The following RPRD1A variants were observed in gnomAD, a reference collection of about 807,000 sequenced individuals.
RPRD1A encodes regulation of nuclear pre-mRNA domain containing 1A.
A neutral mutation model predicts 37.8 loss-of-function variants in RPRD1A; 9 were observed. The ratio of observed to expected loss-of-function variants is 0.24; its 90% CI spans 0.14 to 0.42. RPRD1A has a LOEUF of 0.42. Ranked by LOEUF, RPRD1A falls within the 10% of genes least tolerant of loss-of-function variation. The pLI is 1.00. For synonymous variants in RPRD1A, 138 were observed against 139.7 expected, an observed-to-expected ratio of 0.99 and a Z score of 0.08; for missense variants, 255 against 371.0, an observed-to-expected ratio of 0.69 and a Z score of 2.57.
intron 3 of RPRD1A, 29 bp from the exon 4 acceptor site, chr18:36,030,934 T>C (rs368563846): frequency 3.1e-6 from 5 of 1,600,630 alleles, no homozygotes; most frequent in Middle Eastern, 1.7e-4. Flanking sequence ...TAAGTATTAA[T>C]GAAAGAATAC....
chr18:36,008,569 T>TATATATATATATATATATATA lies in RPRD1A; in HGVS notation c.790-15270_790-15269insTATATATATATATATATATAT, dbSNP rs1555670660. 5.1e-3 allele frequency among the ~76,000 whole-genome samples: 285 copies of TATATATATATATATATATATA among 56,030 alleles called. 11 individuals carry two copies. The highest frequency in any genetic ancestry group is 5.0e-3 in the Non-Finnish European group (168 of 33,766). The allele number at this position is 56,030 out of a possible 152,430, so 36.8% of individuals were successfully genotyped here. ...CTAGCCTGGGCGACACAGCAAGACC[T>TATATATATATATATATATATA]TGTGTGTGTATATATATATATCTTT... On this transcript the variant is annotated intron_variant, in intron 6 of 6. Coordinates refer to ENST00000399022, the MANE Select transcript of RPRD1A (RefSeq NM_018170.5).
chr18:36,062,323 C>CAA (rs752980996), intron 1 of RPRD1A, among the ~76,000 whole-genome samples: 1,450 of 39,664 alleles, frequency 0.037, 95 homozygotes, highest in African/African-American at 0.049. Context: ...GACTCCGTCT[C>CAA]AAAAAAAAAA....
chr18:35,994,828 T>C (rs1247992894), intron 6 of RPRD1A, among the ~76,000 whole-genome samples: 1 of 152,252 alleles, frequency 6.6e-6, no homozygotes, highest in Non-Finnish European at 1.5e-5. Context: ...CTTCTGCACA[T>C]CTACCATGAG....
chr18:36,011,195 C>T (rs1032277750), intron 6 of RPRD1A, among the ~76,000 whole-genome samples: 6 of 152,066 alleles, frequency 3.9e-5, no homozygotes, highest in Non-Finnish European at 5.9e-5. Flanking sequence ...CACATAAAGT[C>T]GGTACAATTA....
At chr18:36,047,305 A>G (rs1055330609) in intron 1 of RPRD1A, among the ~76,000 whole-genome samples, 1 of 152,116 alleles carries the variant, frequency 6.6e-6, no homozygotes, top group Non-Finnish European at 1.5e-5. Flanking sequence ...ACATAACAAA[A>G]ATCTGTGGGG....
chr18:36,040,790 T>G (rs1230308110), intron 1 of RPRD1A: 4 of 1,455,522 alleles, frequency 2.7e-6, no homozygotes, highest in Non-Finnish European at 1.8e-6. Flanking sequence ...AGAAGAAAAG[T>G]GTTTTTATTC....
chr18:36,053,932 G>A (rs1913580298), intron 1 of RPRD1A, among the ~76,000 whole-genome samples: 1 of 152,102 alleles, frequency 6.6e-6, no homozygotes, highest in African/African-American at 2.4e-5. Flanking sequence ...TCTGAGCATA[G>A]GCAACTAGAA....
At chr18:36,037,116 C>CT (rs201444690) in intron 1 of RPRD1A, among the ~76,000 whole-genome samples, 6 of 151,862 alleles carry the variant, frequency 4.0e-5, no homozygotes, top group Admixed American at 3.3e-4. Context: ...TAAAATGTTA[C>CT]TTTTTTTTTC....
At chr18:35,996,646 G>A (rs1042106176) in intron 6 of RPRD1A, among the ~76,000 whole-genome samples, 2 of 152,086 alleles carry the variant, frequency 1.3e-5, no homozygotes, top group Non-Finnish European at 2.9e-5. Flanking sequence ...ATGTTTTCCA[G>A]AATAGCAGTT....
At chr18:36,047,122 C>T (rs967672100) in intron 1 of RPRD1A, among the ~76,000 whole-genome samples, 2 of 151,916 alleles carry the variant, frequency 1.3e-5, no homozygotes, top group African/African-American at 4.8e-5. Context: ...TCAGGAGGCT[C>T]GCTTGAGCCC....
chr18:36,051,378 A>C (rs1040821596), intron 1 of RPRD1A, among the ~76,000 whole-genome samples: 2 of 152,216 alleles, frequency 1.3e-5, no homozygotes, highest in Non-Finnish European at 2.9e-5. Context: ...TAAGTATGAA[A>C]AGGGTGGAAC....
chr18:35,994,674 T>C (rs1156540663), intron 6 of RPRD1A, among the ~76,000 whole-genome samples: 1 of 152,208 alleles, frequency 6.6e-6, no homozygotes, highest in South Asian at 2.1e-4. Flanking sequence ...GGAAATGTGA[T>C]TACAGTATTC....
At position 35,994,048 on chromosome 18, in the gene RPRD1A, C is replaced by T. The variant is rs188136502; in HGVS notation, c.790-748G>A. 3.4e-3 allele frequency among the ~76,000 whole-genome samples: 511 copies of T among 152,284 alleles called. 1 individual carries two copies. Among genetic ancestry groups the T allele is most frequent in the Non-Finnish European group, 4.8e-3 (326 of 68,034 alleles). On this transcript the variant is annotated intron_variant, in intron 6 of 6. Coordinates refer to ENST00000399022, the MANE Select transcript of RPRD1A (RefSeq NM_018170.5). ...GCCAAGACAACCTCAGGCTGCTGCA[C>T]CCCTCCCTTTCTCCAAAAGCTCAGC...
chr18:36,052,152 C>T (rs1913442292), intron 1 of RPRD1A, among the ~76,000 whole-genome samples: 1 of 37,918 alleles, frequency 2.6e-5, no homozygotes, highest in Non-Finnish European at 4.7e-5. Context: ...ATTTAACATC[C>T]TAACAGAAAA....
rs150196073 is a variant in RPRD1A, at chr18:36,024,138, CGTGT to C, written c.789+2758_789+2761del. 6.3e-3 allele frequency among the ~76,000 whole-genome samples: 960 copies of C among 151,402 alleles called. 13 individuals carry two copies. Among genetic ancestry groups the C allele is most frequent in the Non-Finnish European group, 9.2e-3 (627 of 67,830 alleles). ...TAATAGTCTATTTTAACAGTTATCT[CGTGT>C]GTGTGTGTGCACGCGCACGCGCGTG... On this transcript the variant is annotated intron_variant, in intron 6 of 6. Transcript: ENST00000399022.
chr18:36,059,236 CA>C (rs1380553566), intron 1 of RPRD1A, among the ~76,000 whole-genome samples: 1 of 152,036 alleles, frequency 6.6e-6, no homozygotes, highest in Non-Finnish European at 1.5e-5. Flanking sequence ...TTCCCGGGTT[CA>C]AGTGATTCTT....
chr18:36,016,062 G>C (rs1459353310), intron 6 of RPRD1A, among the ~76,000 whole-genome samples: 1 of 152,086 alleles, frequency 6.6e-6, no homozygotes, highest in Non-Finnish European at 1.5e-5. Flanking sequence ...ATACATTTAA[G>C]TAATCTGATA....
At chr18:36,008,569 T>TTGTG (rs138413588) in intron 6 of RPRD1A, among the ~76,000 whole-genome samples, 6,489 of 55,142 alleles carry the variant, frequency 0.12, 864 homozygotes, top group Middle Eastern at 0.16. Context: ...CAGCAAGACC[T>TTGTG]TGTGTGTGTA....
At position 36,005,404 on chromosome 18, in the gene RPRD1A, CTGAT is replaced by C. The variant is rs563870351; in HGVS notation, c.790-12108_790-12105del. Among the ~76,000 whole-genome samples, 95 of 152,238 alleles carry C rather than the reference CTGAT, an allele frequency of 6.2e-4. No homozygotes were observed. In the South Asian group the frequency reaches 8.5e-3, roughly 14 times the overall value. ...ATGAAAATTTTAATAATGGTTTTCA[CTGAT>C]TGCTGTAAATTTGTGGGCAGTTTTT... On this transcript the variant is annotated intron_variant, in intron 6 of 6. Transcript: ENST00000399022.
Sources: gnomAD v4.1 joint callset for allele counts (sites outside exome capture counted in the v4.1 genomes callset) on GRCh38, gnomAD v4.1.1 for gene constraint, MANE v1.5 for transcripts, NCBI Gene and HGNC (gene_info 2026-07-23, HGNC 2026-07-21) for gene names.